CERS3: variants seen among roughly 807,000 people sequenced by gnomAD.
The protein encoded by CERS3 is ceramide synthase 3.
In CERS3, 33 loss-of-function variants were observed where a neutral mutation model predicts 50.3. That is an observed-to-expected ratio of 0.66 (90% CI 0.50 to 0.88). The LOEUF (loss-of-function observed/expected upper bound fraction) is 0.88, where lower values mean the gene tolerates loss of function less well. Among genes scored for constraint, CERS3 ranks in the 40% least tolerant of loss-of-function variants. The probability of loss-of-function intolerance (pLI) is 0.00; values close to 1 mark genes in which losing one functional copy is unlikely to be tolerated. For missense variants in CERS3, 470 were observed against 460.3 expected (o/e 1.02, Z -0.19); for synonymous variants, 176 against 155.2 (o/e 1.13, Z -0.99).
intron 11 of CERS3, among the ~76,000 whole-genome samples, chr15:100,434,021 C>G (rs1053490754): frequency 6.6e-6 from 1 of 152,230 alleles, no homozygotes; most frequent in African/African-American, 2.4e-5. Context: ...GGCCTTAGCC[C>G]CTGCAGTCAG....
At chr15:100,451,629 C>T (rs978987669) in intron 11 of CERS3, among the ~76,000 whole-genome samples, 4 of 152,116 alleles carry the variant, frequency 2.6e-5, no homozygotes, top group African/African-American at 9.7e-5. Context: ...ATGGCGTGAA[C>T]CTGGGAGGCG....
chr15:100,534,692 C>A (rs1432783743), intron 1 of CERS3, among the ~76,000 whole-genome samples: 5 of 150,476 alleles, frequency 3.3e-5, no homozygotes, highest in Non-Finnish European at 7.4e-5. Context: ...AGGGCAAACC[C>A]TAAGCAATTT....
chr15:100,492,020 C>G (rs2035668963), intron 3 of CERS3, among the ~76,000 whole-genome samples: 1 of 152,030 alleles, frequency 6.6e-6, no homozygotes, highest in Non-Finnish European at 1.5e-5. Context: ...GCCACTGTGC[C>G]TGGCTGTTAT....
intron 11 of CERS3, among the ~76,000 whole-genome samples, chr15:100,413,973 T>C (rs531043893): frequency 1.3e-5 from 2 of 151,864 alleles, no homozygotes; most frequent in African/African-American, 4.8e-5. Context: ...ACCAGAAAAA[T>C]ACCTGGAACA....
intron 1 of CERS3, among the ~76,000 whole-genome samples, chr15:100,536,809 T>G (rs987691586): frequency 6.6e-6 from 1 of 152,174 alleles, no homozygotes; most frequent in Non-Finnish European, 1.5e-5. Flanking sequence ...TTATATGAGT[T>G]GCACCACCAC....
chr15:100,524,216 A>G (rs1285928746), intron 1 of CERS3, among the ~76,000 whole-genome samples: 1 of 152,218 alleles, frequency 6.6e-6, no homozygotes, highest in Non-Finnish European at 1.5e-5. Flanking sequence ...AGAAAACAAT[A>G]CCTATAAGTA....
chr15:100,513,923 C>T (rs532219529), intron 2 of CERS3, among the ~76,000 whole-genome samples: 1 of 152,288 alleles, frequency 6.6e-6, no homozygotes, highest in African/African-American at 2.4e-5. Flanking sequence ...CTATAAGATC[C>T]TCATCTAGTC....
chr15:100,484,076 G>A (rs915409149), intron 5 of CERS3, among the ~76,000 whole-genome samples: 1 of 151,930 alleles, frequency 6.6e-6, no homozygotes, highest in African/African-American at 2.4e-5. Context: ...CATGAGCCAC[G>A]CCACACAGAG....
At chr15:100,506,478 CACACACACACACCAGACAT>C (rs1342680236) in intron 2 of CERS3, among the ~76,000 whole-genome samples, 1 of 150,720 alleles carries the variant, frequency 6.6e-6, no homozygotes, top group Admixed American at 6.6e-5. Flanking sequence ...CGCCGCCCCA[CACACACACACACCAGACAT>C]TGTTGATGGG....
chr15:100,489,214 G>A (rs1280076234), intron 4 of CERS3, among the ~76,000 whole-genome samples: 2 of 152,100 alleles, frequency 1.3e-5, no homozygotes, highest in African/African-American at 2.4e-5. Context: ...TCCATTTACA[G>A]ATAAAGAACT....
At chr15:100,481,250 G>A (rs547299784) in intron 5 of CERS3, among the ~76,000 whole-genome samples, 12 of 152,318 alleles carry the variant, frequency 7.9e-5, no homozygotes, top group East Asian at 3.9e-4. Flanking sequence ...ACTCTGCATC[G>A]AGGAGTGTTT....
intron 3 of CERS3, among the ~76,000 whole-genome samples, chr15:100,498,773 C>T (rs1288366169): frequency 6.6e-6 from 1 of 152,190 alleles, no homozygotes; most frequent in African/African-American, 2.4e-5. Flanking sequence ...AGGCATGTTA[C>T]ATTTAAATAC....
intron 3 of CERS3, among the ~76,000 whole-genome samples, chr15:100,494,258 TTTG>T (rs2035744569): frequency 2.4e-4 from 3 of 12,492 alleles, no homozygotes; most frequent in Non-Finnish European, 4.2e-4. Context: ...TATATATATA[TTTG>T]TTTTGAGATG....
chr15:100,462,825 C>A (rs752336686), intron 10 of CERS3, among the ~76,000 whole-genome samples: 2 of 152,146 alleles, frequency 1.3e-5, no homozygotes, highest in African/African-American at 4.8e-5. Context: ...GGAGCTGGAT[C>A]CCCACACAGT....
intron 11 of CERS3, among the ~76,000 whole-genome samples, chr15:100,414,203 C>G (rs1339889111): frequency 6.6e-6 from 1 of 152,120 alleles, no homozygotes; most frequent in Non-Finnish European, 1.5e-5. Context: ...AATAAAATAT[C>G]TAGGAATATA....
At chr15:100,425,539 G>C (rs2587831) in intron 11 of CERS3, among the ~76,000 whole-genome samples, 41,894 of 152,026 alleles carry the variant, frequency 0.28, 5,970 homozygotes, top group East Asian at 0.42. Context: ...TGGCTGATTT[G>C]TCCCTTTTGG....
chr15:100,527,587 A>C (rs1323460869), intron 1 of CERS3, among the ~76,000 whole-genome samples: 1 of 152,238 alleles, frequency 6.6e-6, no homozygotes, highest in African/African-American at 2.4e-5. Flanking sequence ...GAAATCATAT[A>C]TCTTAGTGTG....
intron 11 of CERS3, among the ~76,000 whole-genome samples, chr15:100,404,448 C>T (rs76765749): frequency 6.6e-6 from 1 of 152,126 alleles, no homozygotes; most frequent in Non-Finnish European, 1.5e-5. Flanking sequence ...AGAGAGAAAT[C>T]TGAAATTCTT....
intron 2 of CERS3, among the ~76,000 whole-genome samples, chr15:100,507,502 T>C (rs930925182): frequency 6.6e-6 from 1 of 152,262 alleles, no homozygotes; most frequent in African/African-American, 2.4e-5. Flanking sequence ...GGCCTCACCA[T>C]GGCTGCTCTC....
Sources: allele counts gnomAD v4.1 joint callset (sites outside exome capture counted in the v4.1 genomes callset), GRCh38; gene constraint gnomAD v4.1.1; transcripts MANE v1.5; gene names NCBI Gene and HGNC (gene_info 2026-07-23, HGNC 2026-07-21).